Variants in VRK1 observed in about 807,000 individuals in gnomAD.
The protein encoded by VRK1 is VRK serine/threonine kinase 1, also known as serine/threonine-protein kinase VRK1.
A neutral mutation model predicts 57.1 loss-of-function variants in VRK1; 33 were observed. That is an observed-to-expected ratio of 0.58 (90% confidence interval 0.44 to 0.77). The LOEUF is 0.77. VRK1 is among the 30% of genes least tolerant of loss of function. VRK1 has a pLI of 0.00. For missense variants in VRK1, 413 were observed against 477.3 expected, an observed-to-expected ratio of 0.87 and a Z score of 1.25; for synonymous variants, 137 against 147.8, an observed-to-expected ratio of 0.93 and a Z score of 0.53.
Position 96,853,129 on chromosome 14 carries a change from C to T in VRK1, c.539C>T (p.Ala180Val). Residue 180 changes from alanine to valine, a missense_variant, in exon 7 of 13, where the codon GCC becomes GTC. Physicochemically the swap from Ala to Val is moderately conservative, Grantham distance 64. Around this residue, in one of 3 missense-constraint regions of VRK1, gnomAD observed 151 missense variants for 225.5 expected, o/e 0.67. Coordinates refer to ENST00000216639, the MANE Select transcript of VRK1 (RefSeq NM_003384.3). Reference sequence around the variant, plus strand: ...GAGTATGTGCATGGAGATATCAAGGCCTCAAATCTTCTTCTGAACTACAAG... The same window carrying T: ...GAGTATGTGCATGGAGATATCAAGGTCTCAAATCTTCTTCTGAACTACAAG... ...EHEYVHGDIK[A>V]SNLLLNYKNP... 6.2e-7 allele frequency: 1 copy of T among 1,613,746 alleles called. No individual in the cohort carries two copies. Among genetic ancestry groups the T allele is most frequent in the South Asian group, 1.1e-5 (1 of 91,076 alleles).
chr14:96,833,955 T>C (rs1014971183), intron 2 of VRK1, among the ~76,000 whole-genome samples: 1 of 152,172 alleles, frequency 6.6e-6, no homozygotes, highest in Non-Finnish European at 1.5e-5. Flanking sequence ...CCTCCACCTA[T>C]GTGGGATTTA....
chr14:96,853,797 C>T (rs1012330446), intron 7 of VRK1, among the ~76,000 whole-genome samples: 8 of 151,916 alleles, frequency 5.3e-5, no homozygotes, highest in African/African-American at 2.4e-5. Flanking sequence ...TCTGTGATTT[C>T]GGTGAAAGTA....
Position 96,847,275 on chromosome 14 carries a change from C to T in VRK1, c.305C>T (p.Thr102Ile), listed in dbSNP as rs1887740847. ...KPEQIQKWIR[T>I]RKLKYLGVPK... ...TTTGTAGTTCAGAAATGGATTCGTA[C>T]CCGTAAGCTGAAGTACCTGGGTGTT... Residue 102 changes from threonine (T) to isoleucine (I), a missense_variant, in exon 5 of 13, where the codon ACC (threonine) becomes ATC (isoleucine). Physicochemically the swap from Thr to Ile is moderately conservative, Grantham distance 89. This residue lies in a region of VRK1 where 151 missense variants were observed against 225.5 expected (regional missense o/e 0.67). Coordinates refer to ENST00000216639, the MANE Select transcript of VRK1 (RefSeq NM_003384.3). 1 of 1,613,414 alleles carries T rather than the reference C, an allele frequency of 6.2e-7. No individual in the cohort carries two copies. The highest frequency in any genetic ancestry group is 8.5e-7 in the Non-Finnish European group (1 of 1,179,654).
chr14:96,872,803 T>C (rs1162559083), intron 11 of VRK1, among the ~76,000 whole-genome samples: 1 of 152,240 alleles, frequency 6.6e-6, no homozygotes, highest in African/African-American at 2.4e-5. Flanking sequence ...TCATAGAAGA[T>C]GTGTCCTTTT....
chr14:96,841,950 C>T (rs923028787), intron 3 of VRK1, among the ~76,000 whole-genome samples: 32 of 152,096 alleles, frequency 2.1e-4, no homozygotes, highest in African/African-American at 7.7e-4. Flanking sequence ...GCACTCTCTC[C>T]TGAATAAACA....
Position 96,807,465 on chromosome 14 carries a change from A to T in VRK1, c.-6+10018A>T, listed in dbSNP as rs560343046. ...TTGGTGGCTTTCCTCTTTTTAAAAA[A>T]ATTTCATTTTAAACTGTAGTGCTTT... On this transcript the variant is annotated intron_variant, in intron 1 of 12. Coordinates refer to ENST00000216639, the MANE Select transcript of VRK1 (RefSeq NM_003384.3). 5.3e-5 allele frequency among the ~76,000 whole-genome samples: 8 copies of T among 152,310 alleles called. No individual in the cohort carries two copies. In the South Asian group the frequency reaches 1.7e-3, roughly 32 times the overall value.
intron 1 of VRK1, among the ~76,000 whole-genome samples, chr14:96,821,068 G>T (rs1222190094): frequency 6.6e-6 from 1 of 152,036 alleles, no homozygotes; most frequent in Non-Finnish European, 1.5e-5. Context: ...TTCTTTCCCT[G>T]GGAAGTTTTT....
At chr14:96,818,545 A>C (rs1236252328) in intron 1 of VRK1, among the ~76,000 whole-genome samples, 2 of 152,188 alleles carry the variant, frequency 1.3e-5, no homozygotes, top group African/African-American at 4.8e-5. Context: ...AATGTTTTTC[A>C]GGGATAAATC....
chr14:96,868,540 C>G (rs1429370243), intron 11 of VRK1, among the ~76,000 whole-genome samples: 1 of 152,032 alleles, frequency 6.6e-6, no homozygotes, highest in Non-Finnish European at 1.5e-5. Context: ...ATTTATCAGC[C>G]CCATGACCAG....
At chr14:96,873,540 C>T (rs948224598) in intron 11 of VRK1, among the ~76,000 whole-genome samples, 1 of 152,108 alleles carries the variant, frequency 6.6e-6, no homozygotes, top group South Asian at 2.1e-4. Context: ...TCATATTAAA[C>T]GCAAAGGCAC....
In VRK1 at chr14:96,814,346, A is replaced by G. The variant is rs1019881287; in HGVS notation, c.-6+16899A>G. Among the ~76,000 whole-genome samples the G allele has an allele frequency of 2.6e-5, 4 of 152,304 alleles. No homozygotes were observed. In the East Asian group the frequency reaches 5.8e-4, roughly 22 times the overall value. On this transcript the variant is annotated intron_variant, in intron 1 of 12. Transcript: ENST00000216639. ...GTTATTTTTCTATGTTGTCAATTGC[A>G]GTGTTTTAACTTGTGGCAGTTGACA...
intron 11 of VRK1, among the ~76,000 whole-genome samples, chr14:96,869,960 T>C (rs1000022894): frequency 3.3e-5 from 5 of 152,336 alleles, no homozygotes; most frequent in Non-Finnish European, 7.3e-5. Context: ...GTTTTGGTTT[T>C]CATTGATGTA....
chr14:96,846,591 C>T (rs1439793314), intron 4 of VRK1, among the ~76,000 whole-genome samples: 2 of 151,748 alleles, frequency 1.3e-5, no homozygotes, highest in Non-Finnish European at 2.9e-5. Flanking sequence ...AATAGGTCTT[C>T]CTGTAGAAGC....
At chr14:96,880,794 T>A (rs12589919) in intron 12 of VRK1, among the ~76,000 whole-genome samples, 51,955 of 152,100 alleles carry the variant, frequency 0.34, 9,239 homozygotes, top group South Asian at 0.41. Context: ...GCTTCCACCT[T>A]AGGAGTGAAT....
intron 11 of VRK1, among the ~76,000 whole-genome samples, chr14:96,872,851 T>G (rs4905556): frequency 0.97 from 147,772 of 152,256 alleles, 71,857 homozygotes; most frequent in East Asian, 1. Flanking sequence ...TTCAGCCACT[T>G]TTAGGGAATG....
chr14:96,800,934 C>G (rs1885634922), intron 1 of VRK1, among the ~76,000 whole-genome samples: 1 of 151,896 alleles, frequency 6.6e-6, no homozygotes, highest in Admixed American at 6.6e-5. Flanking sequence ...AAATATCATA[C>G]TGATAATGGA....
chr14:96,868,337 C>G (rs150593404), intron 11 of VRK1, among the ~76,000 whole-genome samples: 3 of 152,172 alleles, frequency 2.0e-5, no homozygotes, highest in African/African-American at 7.2e-5. Flanking sequence ...CACCCTAGAC[C>G]AAGTAAATCA....
At chr14:96,864,062 T>C (rs1721648880) in intron 11 of VRK1, among the ~76,000 whole-genome samples, 6 of 152,244 alleles carry the variant, frequency 3.9e-5, no homozygotes, top group Admixed American at 3.9e-4. Flanking sequence ...ATTTTAATTA[T>C]ATAAATTTTA....
Position 96,876,120 on chromosome 14 carries a change from C to T in VRK1, c.1159C>T (p.Arg387Cys), listed in dbSNP as rs149083861. The change falls in exon 12 of 13, where the codon CGT becomes TGT. Residue 387 changes from arginine to cysteine, a missense_variant and splice_region_variant. Physicochemically the swap from Arg to Cys is radical, Grantham distance 180. Coordinates refer to ENST00000216639, the MANE Select transcript of VRK1 (RefSeq NM_003384.3). ...NTQTEEAIQT[R>C]SRTRKRVQK ...ACAGACAGAGGAGGCCATACAGACCCGTAAGTTGAACAGTTTTGCCTAGCT... is the reference window on the plus strand; with the variant it reads ...ACAGACAGAGGAGGCCATACAGACCTGTAAGTTGAACAGTTTTGCCTAGCT... 30 of 1,613,144 alleles carry T rather than the reference C, an allele frequency of 1.9e-5. No homozygotes were observed. The highest frequency in any genetic ancestry group is 5.0e-5 in the Admixed American group (3 of 59,966).
Sources: gnomAD v4.1 joint callset for allele counts (sites outside exome capture counted in the v4.1 genomes callset) on GRCh38, gnomAD v4.1.1 for gene constraint, gnomAD v4.1.1 regional missense constraint, MANE v1.5 for transcripts, NCBI Gene and HGNC (gene_info 2026-07-23, HGNC 2026-07-21) for gene names.